PTH1R: variants seen among roughly 807,000 people sequenced by gnomAD.
PTH1R encodes parathyroid hormone/parathyroid hormone-related peptide receptor.
PTH1R carries 32 observed loss-of-function variants against 70.7 expected under a neutral mutation model. The ratio of observed to expected loss-of-function variants is 0.45; its 90% CI spans 0.34 to 0.61. The LOEUF (loss-of-function observed/expected upper bound fraction) is 0.61. Among genes scored for constraint, PTH1R ranks in the 20% least tolerant of loss-of-function variants. The pLI, the probability that PTH1R is intolerant of heterozygous loss-of-function variation, is 0.01. For missense variants in PTH1R, 626 were observed against 792.5 expected, an observed-to-expected ratio of 0.79 and a Z score of 2.52; for synonymous variants, 329 against 324.8, an observed-to-expected ratio of 1.01 and a Z score of -0.14.
chr3:46,893,427 C>G lies in PTH1R; in HGVS notation c.76-480C>G, dbSNP rs144685829. 6.6e-6 allele frequency among the ~76,000 whole-genome samples: 1 copy of G among 152,262 alleles called. No homozygotes were observed. Among genetic ancestry groups the G allele is most frequent in the East Asian group, 1.9e-4 (1 of 5,180 alleles). On this transcript the variant is annotated intron_variant, in intron 3 of 15. Coordinates refer to ENST00000449590, the MANE Select transcript of PTH1R (RefSeq NM_000316.3). The surrounding 1 kb of genome is among the most constrained non-coding windows in gnomAD (Gnocchi z 5.2). ...CTGGGGAGCTGGGCCAAGATGGAAACTGGTGACTCCCAAGACCCCCCAGGG... is the reference window on the plus strand; with the variant it reads ...CTGGGGAGCTGGGCCAAGATGGAAAGTGGTGACTCCCAAGACCCCCCAGGG...
In PTH1R at chr3:46,896,650, G is replaced by A. The variant is rs920998440; in HGVS notation, c.313+781G>A. Among the ~76,000 whole-genome samples the A allele has an allele frequency of 3.3e-5, 5 of 152,192 alleles. No homozygotes were observed. The highest frequency in any genetic ancestry group is 2.1e-4 in the South Asian group (1 of 4,830). ...AGAGAGCCTTTCACCAAGCCAGGGC[G>A]GGTCCAGCCATCAAGGCAGCCTTCC... On this transcript the variant is annotated intron_variant, in intron 5 of 15. Coordinates refer to ENST00000449590, the MANE Select transcript of PTH1R (RefSeq NM_000316.3). This position sits in a 1 kb window ranked among gnomAD's most constrained non-coding sequence, Gnocchi z 4.1.
chr3:46,879,558 C>T lies in PTH1R; in HGVS notation c.-105-1504C>T, dbSNP rs1228275742. ...AAGAGTTGGAGACCAGTCTAGGCAA[C>T]AAAGTGAGACCTCGTCTCTACAAAA... On this transcript the variant is annotated intron_variant, in intron 1 of 15. Coordinates refer to ENST00000449590, the MANE Select transcript of PTH1R (RefSeq NM_000316.3). The surrounding 1 kb of genome is among the most constrained non-coding windows in gnomAD (Gnocchi z 4.7). Among the ~76,000 whole-genome samples, 2 of 151,722 alleles carry T rather than the reference C, an allele frequency of 1.3e-5. No homozygotes were observed. The highest frequency in any genetic ancestry group is 1.3e-4 in the Admixed American group (2 of 15,250).
chr3:46,903,650 C>T lies in PTH1R; in HGVS notation c.1776C>T (p.Val592=), dbSNP rs1341563948. 6.2e-7 allele frequency: 1 copy of T among 1,609,082 alleles called. No individual in the cohort carries two copies. The highest frequency in any genetic ancestry group is 8.5e-7 in the Non-Finnish European group (1 of 1,179,992). The change falls in exon 16 of 16, where the codon GTC becomes GTT. Residue 592 remains valine (V), a synonymous_variant. Transcript: ENST00000449590. The surrounding 1 kb of genome is among the most constrained non-coding windows in gnomAD (Gnocchi z 4.4). ...TGCTACAGGAAGAGTGGGAGACAGT[C>T]ATGTGACCAGGCGCTGGGGGCTGGA... The part of the protein sequence containing the change: ...PALLQEEWET[V]M
intron 3 of PTH1R, among the ~76,000 whole-genome samples, chr3:46,887,344 A>C (rs1210689618): frequency 6.6e-6 from 1 of 152,058 alleles, no homozygotes; most frequent in Non-Finnish European, 1.5e-5. Context: ...AATCCCAGAT[A>C]CTTGAGAGGC....
rs2106939966 is a variant in PTH1R at position 46,879,667 on chromosome 3, A to G, written c.-105-1395A>G. 6.6e-6 allele frequency among the ~76,000 whole-genome samples: 1 copy of G among 152,274 alleles called. No homozygotes were observed. ...GAGGCTGAGGTGAGAGGATTGCTTG[A>G]GCCCAGGAGGTCAAGGCTGCTGTGA... is the stretch of plus-strand genomic sequence containing the variant. On this transcript the variant is annotated intron_variant, in intron 1 of 15. Transcript: ENST00000449590. The surrounding 1 kb of genome is among the most constrained non-coding windows in gnomAD (Gnocchi z 4.7).
Position 46,903,711 on chromosome 3 carries a change from G to A in PTH1R, c.*55G>A. The A allele has an allele frequency of 6.2e-7, 1 of 1,600,122 alleles. No individual in the cohort carries two copies. Among genetic ancestry groups the A allele is most frequent in the South Asian group, 1.1e-5 (1 of 90,916 alleles). ...TAGTGGATGGACAGATGGACCAAAA[G>A]ATGGGTGGTTGAATGATTTCCCACT... On this transcript the variant is annotated 3_prime_UTR_variant, in exon 16 of 16. Transcript: ENST00000449590. The surrounding 1 kb of genome is among the most constrained non-coding windows in gnomAD (Gnocchi z 4.4).
Position 46,884,602 on chromosome 3 carries a change from C to T in PTH1R, c.75+968C>T, listed in dbSNP as rs561073405. 3.9e-5 allele frequency among the ~76,000 whole-genome samples: 6 copies of T among 152,230 alleles called. No individual in the cohort carries two copies. The highest frequency in any genetic ancestry group is 1.4e-4 in the African/African-American group (6 of 41,540). On this transcript the variant is annotated intron_variant, in intron 3 of 15. Transcript: ENST00000449590. The surrounding 1 kb of genome is among the most constrained non-coding windows in gnomAD (Gnocchi z 4.8). ...TTCCTGGGGAGGCTGTCTGCCTGTG[C>T]GCCTAACTTCAAAGCCTCTTCTCCC...
chr3:46,900,654 CG>C (rs997935394), intron 10 of PTH1R, among the ~76,000 whole-genome samples: 1 of 152,044 alleles, frequency 6.6e-6, no homozygotes, highest in African/African-American at 2.4e-5. Flanking sequence ...AAAAAAAATG[CG>C]GAAAATAGGC....
rs574197940 is a variant in PTH1R at position 46,895,807 on chromosome 3, C to G, written c.251C>G (p.Ser84Cys). ...GGGAAGCCCAGGAAAGATAAGGCAT[C>G]TGGGAAGCTCTACCCTGAGTCTGAG... ...TSGKPRKDKA[S>C]GKLYPESEED... Residue 84 changes from serine to cysteine, a missense_variant, in exon 5 of 16, where the codon TCT becomes TGT. By Grantham distance (112) the Ser-to-Cys change is moderately radical. Transcript: ENST00000449590. The G allele has an allele frequency of 4.3e-6, 7 of 1,614,152 alleles. 1 individual carries two copies. In the East Asian group the frequency reaches 1.6e-4, roughly 36 times the overall value.
chr3:46,886,498 C>G lies in PTH1R; in HGVS notation c.75+2864C>G, dbSNP rs540821881. ...TCAGCCTCCTCAGTAGCTGGGATTA[C>G]AGGCGCCCGCCACCATGCCCAGCTA... On this transcript the variant is annotated intron_variant, in intron 3 of 15. Transcript: ENST00000449590. 3.9e-5 allele frequency among the ~76,000 whole-genome samples: 6 copies of G among 152,314 alleles called. No homozygotes were observed. In the East Asian group the frequency reaches 1.2e-3, roughly 29 times the overall value.
Position 46,898,065 on chromosome 3 carries a change from G to T in PTH1R, c.425-9G>T. ...TCCCTGCCGGCCCTGACCTCCCATG[G>T]ACCTGCAGGCCATGCCTACCGACGC... On this transcript the variant is annotated splice_polypyrimidine_tract_variant and intron_variant, in intron 6 of 15. Coordinates refer to ENST00000449590, the MANE Select transcript of PTH1R (RefSeq NM_000316.3). 6.2e-7 allele frequency: 1 copy of T among 1,614,136 alleles called. No individual in the cohort carries two copies. The highest frequency in any genetic ancestry group is 8.5e-7 in the Non-Finnish European group (1 of 1,180,006).
In PTH1R at chr3:46,901,456, G is replaced by T. The variant is rs868524510; in HGVS notation, c.1092G>T (p.Gln364His). ...CCGGGAACAAAAAGTGGATCATCCA[G>T]GTGCCCATCCTGGCCTCCATTGTGG... ...LSSGNKKWII[Q>H]VPILASIVLN... Residue 364 changes from glutamine (Q) to histidine (H), a missense_variant, in exon 12 of 16, where the codon CAG (glutamine) becomes CAT (histidine). Transcript: ENST00000449590. This position sits in a 1 kb window ranked among gnomAD's most constrained non-coding sequence, Gnocchi z 7.3. 1 of 1,576,290 alleles carries T rather than the reference G, an allele frequency of 6.3e-7. No homozygotes were observed. The highest frequency in any genetic ancestry group is 2.3e-5 in the East Asian group (1 of 43,044).
Position 46,892,650 on chromosome 3 carries a change from T to A in PTH1R, c.76-1257T>A. Reference sequence around the variant, plus strand: ...CTCTCTGACCCGGCCTGCCCGCCCCTCTCGCCGGTGCCCGCCCCATGCCCG... The same window carrying A: ...CTCTCTGACCCGGCCTGCCCGCCCCACTCGCCGGTGCCCGCCCCATGCCCG... On this transcript the variant is annotated intron_variant, in intron 3 of 15. Coordinates refer to ENST00000449590, the MANE Select transcript of PTH1R (RefSeq NM_000316.3). The surrounding 1 kb of genome is among the most constrained non-coding windows in gnomAD (Gnocchi z 5.2). 1.3e-6 allele frequency: 1 copy of A among 759,748 alleles called. No homozygotes were observed. Among genetic ancestry groups the A allele is most frequent in the Non-Finnish European group, 1.6e-6 (1 of 622,642 alleles). 47.1% of individuals were successfully genotyped at this position (759,748 alleles called of 1,614,324 possible). A position where few individuals can be genotyped will look rare whatever the true frequency, so the allele number is the denominator to read the frequency against.
rs182444719 is a variant in PTH1R, at chr3:46,885,787, C to T, written c.75+2153C>T. On this transcript the variant is annotated intron_variant, in intron 3 of 15. Coordinates refer to ENST00000449590, the MANE Select transcript of PTH1R (RefSeq NM_000316.3). ...TGGGCCCCCTGGACTCATCTGGGGC[C>T]AGCAAGAAGCTGGCAGCCTGCCAGC... 1.8e-4 allele frequency among the ~76,000 whole-genome samples: 27 copies of T among 152,298 alleles called. No homozygotes were observed. The East Asian group carries it at 5.0e-3, about 28-fold the overall frequency.
At chr3:46,889,522 C>T (rs754010505) in intron 3 of PTH1R, among the ~76,000 whole-genome samples, 3 of 152,160 alleles carry the variant, frequency 2.0e-5, no homozygotes, top group Non-Finnish European at 4.4e-5. Context: ...TGGCCCTCCT[C>T]TTTCTGTGAC....
At position 46,898,644 on chromosome 3, in the gene PTH1R, A is replaced by T. The variant is rs1293397973; in HGVS notation, c.639-18A>T. On this transcript the variant is annotated intron_variant, in intron 8 of 15. Coordinates refer to ENST00000449590, the MANE Select transcript of PTH1R (RefSeq NM_000316.3). ...CGTCCCCGTGCCCCCACCCACGGTC[A>T]TGTCGCGCGCCCCGCAGGCGGCTGC... 6.2e-7 allele frequency: 1 copy of T among 1,610,920 alleles called. No homozygotes were observed. The highest frequency in any genetic ancestry group is 2.2e-5 in the East Asian group (1 of 44,844).
rs147137907 is a variant in PTH1R at position 46,903,274 on chromosome 3, A to G, written c.1400A>G (p.Gln467Arg). 5 of 1,612,704 alleles carry G rather than the reference A, an allele frequency of 3.1e-6. No individual in the cohort carries two copies. Among genetic ancestry groups the G allele is most frequent in the Non-Finnish European group, 4.2e-6 (5 of 1,179,982 alleles). The change falls in exon 16 of 16, where the codon CAA (glutamine) becomes CGA (arginine). Residue 467 changes from glutamine to arginine, a missense_variant. By Grantham distance (43) the Gln-to-Arg change is conservative. This residue lies in a region of PTH1R where 495 missense variants were observed against 638.7 expected (regional missense o/e 0.77). Transcript: ENST00000449590. This position sits in a 1 kb window ranked among gnomAD's most constrained non-coding sequence, Gnocchi z 4.4. ...IIYCFCNGEV[Q>R]AEIKKSWSRW... Reference sequence around the variant, plus strand: ...CCGCACCCTTACTGCCCCAAGGTACAAGCTGAGATCAAGAAATCTTGGAGC... The same window carrying G: ...CCGCACCCTTACTGCCCCAAGGTACGAGCTGAGATCAAGAAATCTTGGAGC...
In PTH1R at chr3:46,893,999, G is replaced by A; in HGVS notation, c.168G>A (p.Leu56=). Residue 56 remains leucine (L), a synonymous_variant, in exon 4 of 16, where the codon CTG becomes CTA. Coordinates refer to ENST00000449590, the MANE Select transcript of PTH1R (RefSeq NM_000316.3). This position sits in a 1 kb window ranked among gnomAD's most constrained non-coding sequence, Gnocchi z 5.2. ...AQCEKRLKEV[L]QRPASIMESD... is the part of the protein sequence containing the mutation. ...GCGAAAAACGGCTCAAGGAGGTCCTGCAGAGGCCAGGTGGGGGTCAAAGGA... is the reference window on the plus strand; with the variant it reads ...GCGAAAAACGGCTCAAGGAGGTCCTACAGAGGCCAGGTGGGGGTCAAAGGA... 1 of 1,614,140 alleles carries A rather than the reference G, an allele frequency of 6.2e-7. No individual in the cohort carries two copies. The highest frequency in any genetic ancestry group is 8.5e-7 in the Non-Finnish European group (1 of 1,179,996).
chr3:46,890,257 C>T (rs2031324320), intron 3 of PTH1R, among the ~76,000 whole-genome samples: 1 of 152,158 alleles, frequency 6.6e-6, no homozygotes, highest in African/African-American at 2.4e-5. Flanking sequence ...CATCTCCCAT[C>T]TGCCCCTCAC....
Sources: allele counts gnomAD v4.1 joint callset (sites outside exome capture counted in the v4.1 genomes callset), GRCh38; gene constraint gnomAD v4.1.1; regional missense constraint gnomAD v4.1.1; non-coding constraint Gnocchi (gnomAD v3.1); transcripts MANE v1.5; gene names NCBI Gene and HGNC (gene_info 2026-07-23, HGNC 2026-07-21).